The following FAT3 variants were observed in gnomAD, a reference collection of about 807,000 sequenced individuals.
FAT3 encodes the protein protocadherin Fat 3.
A neutral mutation model predicts 310.2 loss-of-function variants in FAT3; 95 were observed. The ratio of observed to expected loss-of-function variants is 0.31; its 90% confidence interval spans 0.26 to 0.36. FAT3 has a LOEUF of 0.36. Ranked by LOEUF, FAT3 falls within the 10% of genes least tolerant of loss-of-function variation. FAT3 has a pLI of 1.00. For missense variants in FAT3, 5,408 were observed against 5,715.6 expected (o/e 0.95, Z 1.74); for synonymous variants, 2,314 against 2,192.9 (o/e 1.06, Z -1.54).
intron 2 of FAT3, among the ~76,000 whole-genome samples, chr11:92,385,921 G>A (rs774911818): frequency 1.1e-4 from 16 of 151,984 alleles, no homozygotes; most frequent in South Asian, 2.1e-4. Flanking sequence ...CAAGGTGGGC[G>A]GATCACTTGA....
At chr11:92,280,671 T>A (rs907058907) in intron 1 of FAT3, among the ~76,000 whole-genome samples, 1 of 152,142 alleles carries the variant, frequency 6.6e-6, no homozygotes, top group Non-Finnish European at 1.5e-5. Flanking sequence ...ATCAGTTAGA[T>A]CTCTATAATT....
chr11:92,266,379 G>A lies in FAT3; in HGVS notation c.-18+41205G>A, dbSNP rs377199451. 4.6e-5 allele frequency among the ~76,000 whole-genome samples: 7 copies of A among 152,236 alleles called. No individual in the cohort carries two copies. In the East Asian group the frequency reaches 5.8e-4, roughly 13 times the overall value. Reference sequence around the variant, plus strand: ...TCAGGACCAAAATGCTATTTATTCCGTGTTTGACACGTACAAATCCTCTTT... The same window carrying A: ...TCAGGACCAAAATGCTATTTATTCCATGTTTGACACGTACAAATCCTCTTT... On this transcript the variant is annotated intron_variant, in intron 1 of 27. Transcript: ENST00000525166.
intron 3 of FAT3, among the ~76,000 whole-genome samples, chr11:92,544,060 G>A (rs1033194441): frequency 3.9e-5 from 6 of 152,046 alleles, no homozygotes; most frequent in African/African-American, 1.2e-4. Context: ...ATACTTCTAC[G>A]TACTAGGGAA....
intron 6 of FAT3, among the ~76,000 whole-genome samples, chr11:92,765,820 G>T (rs1946295120): frequency 6.6e-6 from 1 of 150,980 alleles, no homozygotes; most frequent in African/African-American, 2.4e-5. Context: ...TTATTTCTTT[G>T]CTTTTGAGGT....
chr11:92,762,235 A>G (rs1685837534), intron 5 of FAT3, 65 bp downstream of exon 5: 8 of 1,458,082 alleles, frequency 5.5e-6, no homozygotes, highest in African/African-American at 4.2e-5. Flanking sequence ...TTATTCAAGT[A>G]TACTCCTTTG....
At chr11:92,287,373 A>C (rs1253751672) in intron 1 of FAT3, among the ~76,000 whole-genome samples, 1 of 152,120 alleles carries the variant, frequency 6.6e-6, no homozygotes, top group East Asian at 1.9e-4. Flanking sequence ...TTGGAGTGAA[A>C]ACCTGCTGTG....
At chr11:92,435,994 A>G (rs1043298648) in intron 2 of FAT3, among the ~76,000 whole-genome samples, 3 of 152,190 alleles carry the variant, frequency 2.0e-5, no homozygotes, top group Admixed American at 2.0e-4. Context: ...TAACATATAT[A>G]CACATGAATT....
chr11:92,316,316 G>T (rs577320175), intron 1 of FAT3, among the ~76,000 whole-genome samples: 1 of 152,084 alleles, frequency 6.6e-6, no homozygotes, highest in African/African-American at 2.4e-5. Flanking sequence ...GTACTCAGAC[G>T]CAATCTGTGC....
At chr11:92,588,219 GA>G (rs1939250096) in intron 3 of FAT3, among the ~76,000 whole-genome samples, 1 of 145,540 alleles carries the variant, frequency 6.9e-6, no homozygotes, top group Non-Finnish European at 1.5e-5. Flanking sequence ...TTTTTTTTTA[GA>G]CCAACAGTGT....
intron 1 of FAT3, among the ~76,000 whole-genome samples, chr11:92,328,174 C>A (rs987930227): frequency 2.6e-5 from 4 of 152,172 alleles, no homozygotes; most frequent in Admixed American, 6.6e-5. Flanking sequence ...ACCTTACCCA[C>A]TCTTGCCCTC....
intron 1 of FAT3, among the ~76,000 whole-genome samples, chr11:92,304,114 C>T (rs190259434): frequency 6.8e-4 from 104 of 152,092 alleles, no homozygotes; most frequent in African/African-American, 2.4e-3. Flanking sequence ...TAATCCTGTC[C>T]AGTGGATTTC....
chr11:92,638,484 A>G (rs943189017), intron 3 of FAT3, among the ~76,000 whole-genome samples: 2 of 152,166 alleles, frequency 1.3e-5, no homozygotes, highest in African/African-American at 4.8e-5. Flanking sequence ...AATAAGCTGT[A>G]TTGTGAATTT....
intron 2 of FAT3, among the ~76,000 whole-genome samples, chr11:92,356,985 A>G (rs895209050): frequency 4.6e-5 from 7 of 152,186 alleles, no homozygotes; most frequent in Non-Finnish European, 7.4e-5. Flanking sequence ...CTCCGTGGCT[A>G]TAGTAGATTA....
intron 7 of FAT3, among the ~76,000 whole-genome samples, chr11:92,783,288 G>C (rs1019408023): frequency 2.8e-5 from 4 of 140,856 alleles, no homozygotes; most frequent in African/African-American, 1.1e-4. Context: ...AATCTGGGAG[G>C]CAGAGGTTGC....
rs1948416106 is a variant in FAT3, at chr11:92,836,628, A to C, written c.10149A>C (p.Gly3383=). 1 of 1,613,858 alleles carries C rather than the reference A, an allele frequency of 6.2e-7. No homozygotes were observed. The highest frequency in any genetic ancestry group is 8.5e-7 in the Non-Finnish European group (1 of 1,179,806). ...AGATTCATTTTTCCATTGTGAATGG[A>C]GATCGGGACAATGAATTTACTGTAG... ...NGQIHFSIVN[G]DRDNEFTVDP... is the part of the protein sequence containing the mutation. The change falls in exon 16 of 28, where the codon GGA becomes GGC. Residue 3383 remains glycine, a synonymous_variant. Transcript: ENST00000525166.
chr11:92,438,343 C>A (rs11019960), intron 2 of FAT3, among the ~76,000 whole-genome samples: 5,817 of 152,160 alleles, frequency 0.038, 148 homozygotes, highest in Middle Eastern at 0.075. Context: ...GGAGTTATTT[C>A]TTCATTCAAA....
chr11:92,698,337 T>C (rs1388570872), intron 4 of FAT3, among the ~76,000 whole-genome samples: 1 of 152,176 alleles, frequency 6.6e-6, no homozygotes, highest in African/African-American at 2.4e-5. Flanking sequence ...TCTGGTCTAC[T>C]CCTTTAAATT....
rs1953813794 is a variant in FAT3, at chr11:92,525,069, A to T, written c.3607+121A>T. Reference sequence around the variant, plus strand: ...AAGAATAGCATCTTCCTTTCTGAGAATGGTTTCTGAAAAGGTGAGTGCCAC... The same window carrying T: ...AAGAATAGCATCTTCCTTTCTGAGATTGGTTTCTGAAAAGGTGAGTGCCAC... On this transcript the variant is annotated intron_variant, in intron 3 of 27. Transcript: ENST00000525166. 4.6e-6 allele frequency: 4 copies of T among 873,826 alleles called. No individual in the cohort carries two copies. In the South Asian group the frequency reaches 7.2e-5, roughly 16 times the overall value. 54.1% of individuals were successfully genotyped at this position (873,826 alleles called of 1,614,324 possible). A position where few individuals can be genotyped will look rare whatever the true frequency, so the allele number is the denominator to read the frequency against.
intron 7 of FAT3, among the ~76,000 whole-genome samples, chr11:92,789,098 A>AACT (rs909004861): frequency 6.6e-6 from 1 of 152,176 alleles, no homozygotes; most frequent in African/African-American, 2.4e-5. Flanking sequence ...GATATTAAGG[A>AACT]ACTACTCTTT....
Sources: gnomAD v4.1 joint callset for allele counts (sites outside exome capture counted in the v4.1 genomes callset) on GRCh38, gnomAD v4.1.1 for gene constraint, MANE v1.5 for transcripts, NCBI Gene and HGNC (gene_info 2026-07-23, HGNC 2026-07-21) for gene names.